KCNJ3: variants seen among roughly 807,000 people sequenced by gnomAD.
The protein encoded by KCNJ3 is potassium inwardly rectifying channel subfamily J member 3, also known as G protein-activated inward rectifier potassium channel 1.
Under a neutral mutation model 39.2 loss-of-function variants are expected in KCNJ3, and 4 were observed. The ratio of observed to expected loss-of-function variants is 0.10; its 90% CI spans 0.05 to 0.23. The LOEUF (loss-of-function observed/expected upper bound fraction) is 0.23, where lower values mean the gene tolerates loss of function less well. Among genes scored for constraint, KCNJ3 ranks in the 10% least tolerant of loss-of-function variants. KCNJ3 has a pLI of 1.00. For missense variants in KCNJ3, 276 were observed against 634.9 expected (o/e 0.43, Z 6.08); for synonymous variants, 230 against 237.4 (o/e 0.97, Z 0.29).
chr2:154,805,079 A>C (rs1399341297), intron 2 of KCNJ3, among the ~76,000 whole-genome samples: 1 of 152,170 alleles, frequency 6.6e-6, no homozygotes, highest in Non-Finnish European at 1.5e-5. Context: ...TTTCCTAAGA[A>C]GTGAACTTAG....
chr2:154,787,782 G>A (rs934644713), intron 2 of KCNJ3, among the ~76,000 whole-genome samples: 2 of 151,858 alleles, frequency 1.3e-5, no homozygotes, highest in African/African-American at 2.4e-5. Flanking sequence ...TAACTGGAAT[G>A]CAACTTTTTT....
intron 2 of KCNJ3, among the ~76,000 whole-genome samples, chr2:154,730,066 C>T (rs1004591226): frequency 1.3e-5 from 2 of 151,870 alleles, no homozygotes; most frequent in African/African-American, 4.8e-5. Context: ...GGAATCATTT[C>T]AGAGTTATAA....
chr2:154,717,326 A>G (rs1685198490), intron 2 of KCNJ3, among the ~76,000 whole-genome samples: 2 of 152,218 alleles, frequency 1.3e-5, no homozygotes, highest in African/African-American at 4.8e-5. Context: ...CAGGCCATAA[A>G]GCTCTTGAAG....
At chr2:154,803,937 G>A (rs1041890706) in intron 2 of KCNJ3, among the ~76,000 whole-genome samples, 1 of 151,828 alleles carries the variant, frequency 6.6e-6, no homozygotes, top group African/African-American at 2.4e-5. Context: ...AAAGAGCAAA[G>A]GAAAGTTACA....
chr2:154,855,175 C>T lies in KCNJ3; in HGVS notation c.1368C>T (p.Thr456=). Residue 456 remains threonine (T), a synonymous_variant, in exon 3 of 3, where the codon ACC becomes ACT. Coordinates refer to ENST00000295101, the MANE Select transcript of KCNJ3 (RefSeq NM_002239.4). The part of the protein sequence containing the change: ...NSEEKLVSKT[T]KMLSDPMSQS... ...AAGAAAAACTGGTATCTAAAACCACCAAGATGTTATCTGATCCCATGAGCC... is the reference window on the plus strand; with the variant it reads ...AAGAAAAACTGGTATCTAAAACCACTAAGATGTTATCTGATCCCATGAGCC... The T allele has an allele frequency of 6.2e-7, 1 of 1,613,842 alleles. No homozygotes were observed. The highest frequency in any genetic ancestry group is 8.5e-7 in the Non-Finnish European group (1 of 1,179,910).
At chr2:154,761,741 A>G (rs1031341124) in intron 2 of KCNJ3, among the ~76,000 whole-genome samples, 2 of 152,202 alleles carry the variant, frequency 1.3e-5, no homozygotes, top group Non-Finnish European at 2.9e-5. Context: ...GGAAATGGCT[A>G]TATCAGAGCC....
At chr2:154,854,275 G>A (rs1687803724) in intron 2 of KCNJ3, among the ~76,000 whole-genome samples, 3 of 152,152 alleles carry the variant, frequency 2.0e-5, no homozygotes, top group African/African-American at 4.8e-5. Flanking sequence ...TTACTCTGCA[G>A]AAGAATAAAG....
In KCNJ3 at chr2:154,855,019, G is replaced by T. The variant is rs758496794; in HGVS notation, c.1212G>T (p.Gln404His). 6.2e-6 allele frequency: 10 copies of T among 1,613,976 alleles called. No homozygotes were observed. The African/African-American group carries it at 1.2e-4, about 19-fold the overall frequency. Residue 404 changes from glutamine (Q) to histidine (H), a missense_variant, in exon 3 of 3, where the codon CAG becomes CAT. Coordinates refer to ENST00000295101, the MANE Select transcript of KCNJ3 (RefSeq NM_002239.4). ...CTACAAAACTACCATCTAAGCTGCA[G>T]AAAATTACTGGAAGAGAAGACTTTC... ...DITTKLPSKL[Q>H]KITGREDFPK...
chr2:154,750,219 C>A (rs1203716625), intron 2 of KCNJ3, among the ~76,000 whole-genome samples: 7 of 151,908 alleles, frequency 4.6e-5, no homozygotes, highest in African/African-American at 1.4e-4. Flanking sequence ...TATTTGTACA[C>A]AATTATATTA....
At chr2:154,851,603 A>C (rs1687756721) in intron 2 of KCNJ3, among the ~76,000 whole-genome samples, 1 of 152,236 alleles carries the variant, frequency 6.6e-6, no homozygotes, top group Non-Finnish European at 1.5e-5. Context: ...CCAGATTCAT[A>C]AACTTTTAAA....
chr2:154,705,016 C>G (rs1262947730), intron 1 of KCNJ3, among the ~76,000 whole-genome samples: 5 of 152,158 alleles, frequency 3.3e-5, no homozygotes, highest in African/African-American at 1.2e-4. Context: ...GCCCTGTGGG[C>G]CCTTTTCCAG....
intron 2 of KCNJ3, among the ~76,000 whole-genome samples, chr2:154,719,363 G>A (rs1287774617): frequency 6.6e-5 from 10 of 152,112 alleles, no homozygotes; most frequent in Non-Finnish European, 1.5e-4. Context: ...AATTTCTGAA[G>A]TCTTCGGAGG....
At chr2:154,773,966 C>T (rs1686287417) in intron 2 of KCNJ3, among the ~76,000 whole-genome samples, 1 of 152,078 alleles carries the variant, frequency 6.6e-6, no homozygotes, top group South Asian at 2.1e-4. Flanking sequence ...TTAATTCTGT[C>T]CTTTCCCTGG....
chr2:154,699,520 C>T lies in KCNJ3; in HGVS notation c.702+43C>T. ...CTTCCCCACCGGGAGACCTGCGTCC[C>T]CCAAACCCGCGGAGTAACTCGTCTG... is the stretch of plus-strand genomic sequence containing the variant. On this transcript the variant is annotated intron_variant, in intron 1 of 2. Coordinates refer to ENST00000295101, the MANE Select transcript of KCNJ3 (RefSeq NM_002239.4). This position sits in a 1 kb window ranked among gnomAD's most constrained non-coding sequence, Gnocchi z 6.4. 1 of 1,513,526 alleles carries T rather than the reference C, an allele frequency of 6.6e-7. No individual in the cohort carries two copies. The highest frequency in any genetic ancestry group is 8.8e-7 in the Non-Finnish European group (1 of 1,133,710). The allele number at this position is 1,513,526 out of a possible 1,614,324, so 93.8% of individuals were successfully genotyped here. A position where few individuals can be genotyped will look rare whatever the true frequency, so the allele number is the denominator to read the frequency against.
intron 2 of KCNJ3, among the ~76,000 whole-genome samples, chr2:154,777,257 C>T (rs1686354576): frequency 6.6e-6 from 1 of 152,148 alleles, no homozygotes; most frequent in South Asian, 2.1e-4. Context: ...TTTCCTGTGA[C>T]TACAGTGTTT....
intron 2 of KCNJ3, among the ~76,000 whole-genome samples, chr2:154,852,364 G>A (rs1379389648): frequency 2.6e-5 from 4 of 152,048 alleles, no homozygotes; most frequent in South Asian, 2.1e-4. Flanking sequence ...CCACTGCACC[G>A]CAGCCTGGGC....
intron 2 of KCNJ3, among the ~76,000 whole-genome samples, chr2:154,730,300 G>C (rs1685428868): frequency 6.6e-6 from 1 of 151,928 alleles, no homozygotes; most frequent in South Asian, 2.1e-4. Context: ...ACATATTTTT[G>C]ATTAAATTAA....
At chr2:154,744,577 C>T (rs1267192851) in intron 2 of KCNJ3, among the ~76,000 whole-genome samples, 1 of 151,694 alleles carries the variant, frequency 6.6e-6, no homozygotes, top group African/African-American at 2.4e-5. Flanking sequence ...GGAATTAGTG[C>T]ATTTCCTCTA....
chr2:154,779,384 C>T lies in KCNJ3; in HGVS notation c.919+69565C>T, dbSNP rs868745501. On this transcript the variant is annotated intron_variant, in intron 2 of 2. Transcript: ENST00000295101. ...GAGCTCCTCCTAGCATCCTAAAGGA[C>T]TCAAATCCTTGGAGACTTATGAGGT... 2.7e-5 allele frequency among the ~76,000 whole-genome samples: 4 copies of T among 149,808 alleles called. No homozygotes were observed. In the South Asian group the frequency reaches 8.4e-4, roughly 31 times the overall value.
Sources: gnomAD v4.1 joint callset for allele counts (sites outside exome capture counted in the v4.1 genomes callset) on GRCh38, gnomAD v4.1.1 for gene constraint, Gnocchi (gnomAD v3.1) non-coding constraint, MANE v1.5 for transcripts, NCBI Gene and HGNC (gene_info 2026-07-23, HGNC 2026-07-21) for gene names.